The following ANKS1A variants were observed in gnomAD, a reference collection of about 807,000 sequenced individuals.
ANKS1A encodes the protein ankyrin repeat and SAM domain-containing protein 1A.
Under a neutral mutation model 120.3 loss-of-function variants are expected in ANKS1A, and 55 were observed. The observed-to-expected ratio is 0.46, with a 90% CI of 0.37 to 0.57. The LOEUF (loss-of-function observed/expected upper bound fraction) is 0.57, where lower values mean the gene tolerates loss of function less well. ANKS1A is among the 20% of genes least tolerant of loss of function. ANKS1A has a pLI of 0.00. For synonymous variants in ANKS1A, 590 were observed against 604.7 expected (o/e 0.98, Z 0.36); for missense variants, 1,123 against 1,480.3 (o/e 0.76, Z 3.96).
intron 9 of ANKS1A, among the ~76,000 whole-genome samples, chr6:34,990,967 T>C (rs1561895804): frequency 6.6e-6 from 1 of 152,232 alleles, no homozygotes; most frequent in Non-Finnish European, 1.5e-5. Flanking sequence ...GTTTGTAGTC[T>C]GAATGGTCTT....
At chr6:35,003,620 A>T (rs1393943925) in intron 10 of ANKS1A, among the ~76,000 whole-genome samples, 1 of 152,228 alleles carries the variant, frequency 6.6e-6, no homozygotes, top group Non-Finnish European at 1.5e-5. Context: ...TAATAGTAAT[A>T]GGAACCTGCT....
chr6:34,966,438 A>G (rs569813777), intron 1 of ANKS1A, among the ~76,000 whole-genome samples: 1 of 152,362 alleles, frequency 6.6e-6, no homozygotes, highest in Non-Finnish European at 1.5e-5. Context: ...ATCTACCTCA[A>G]ACCATTAGAG....
At chr6:35,040,703 C>G (rs1427153767) in intron 11 of ANKS1A, among the ~76,000 whole-genome samples, 5 of 152,262 alleles carry the variant, frequency 3.3e-5, no homozygotes, top group Non-Finnish European at 7.3e-5. Flanking sequence ...ACTCAAGCAT[C>G]TGATTCTACA....
At chr6:35,001,363 A>G (rs1173663160) in intron 10 of ANKS1A, among the ~76,000 whole-genome samples, 1 of 152,266 alleles carries the variant, frequency 6.6e-6, no homozygotes, top group Non-Finnish European at 1.5e-5. Flanking sequence ...TTCCATCTGC[A>G]CATTAAACAA....
chr6:34,926,936 G>A (rs1768746986), intron 1 of ANKS1A, among the ~76,000 whole-genome samples: 2 of 152,270 alleles, frequency 1.3e-5, no homozygotes, highest in African/African-American at 4.8e-5. Flanking sequence ...TTATTTAGTG[G>A]TTAGGTGTGT....
intron 1 of ANKS1A, among the ~76,000 whole-genome samples, chr6:34,917,520 T>G (rs1768226593): frequency 6.6e-6 from 1 of 152,186 alleles, no homozygotes; most frequent in South Asian, 2.1e-4. Context: ...TAAAACCAGT[T>G]TTTGTAAGAT....
At chr6:34,986,271 T>C (rs1418542984) in intron 8 of ANKS1A, among the ~76,000 whole-genome samples, 1 of 152,232 alleles carries the variant, frequency 6.6e-6, no homozygotes, top group Non-Finnish European at 1.5e-5. Context: ...AGACAGTCTG[T>C]ACCTGCTTTT....
chr6:35,073,335 G>A (rs1056216956), intron 13 of ANKS1A, among the ~76,000 whole-genome samples: 1 of 152,212 alleles, frequency 6.6e-6, no homozygotes, highest in Admixed American at 6.5e-5. Flanking sequence ...CATGATCACA[G>A]GCTGAGGAGC....
rs1420259474 is a variant in ANKS1A at position 34,985,237 on chromosome 6, G to A, written c.1168G>A (p.Glu390Lys). Residue 390 changes from glutamate (E) to lysine (K), a missense_variant, in exon 8 of 24, where the codon GAG (glutamate) becomes AAG (lysine). Glu to Lys is a moderately conservative substitution (Grantham distance 56, BLOSUM62 1). Coordinates refer to ENST00000360359, the MANE Select transcript of ANKS1A (RefSeq NM_015245.3). ...RSSDQDSTNK[E>K]AEAAGVKPAG... ...ATCTGACCAAGACTCCACGAACAAG[G>A]AGGCTGAGGCAGCAGGAGTGAAACC... 3 of 1,614,050 alleles carry A rather than the reference G, an allele frequency of 1.9e-6. No individual in the cohort carries two copies. The highest frequency in any genetic ancestry group is 2.7e-5 in the African/African-American group (2 of 74,938).
intron 1 of ANKS1A, among the ~76,000 whole-genome samples, chr6:34,934,972 C>T (rs1234025508): frequency 6.6e-6 from 1 of 152,180 alleles, no homozygotes; most frequent in African/African-American, 2.4e-5. Flanking sequence ...AGAACAGTGG[C>T]CATGTGAAGC....
intron 1 of ANKS1A, among the ~76,000 whole-genome samples, chr6:34,962,113 C>T (rs1226157336): frequency 6.6e-6 from 1 of 152,170 alleles, no homozygotes; most frequent in Non-Finnish European, 1.5e-5. Flanking sequence ...TCACCCTGAT[C>T]CATTGTCAGG....
intron 1 of ANKS1A, among the ~76,000 whole-genome samples, chr6:34,904,969 C>T (rs1767569458): frequency 6.6e-6 from 1 of 152,158 alleles, no homozygotes; most frequent in South Asian, 2.1e-4. Flanking sequence ...TGCCACCACG[C>T]TCAGCTAATT....
At chr6:34,897,216 G>T (rs922126256) in intron 1 of ANKS1A, among the ~76,000 whole-genome samples, 1 of 152,058 alleles carries the variant, frequency 6.6e-6, no homozygotes, top group Non-Finnish European at 1.5e-5. Flanking sequence ...AGGAAACAAT[G>T]AAACAAGCTT....
rs896988885 is a variant in ANKS1A at position 34,995,851 on chromosome 6, A to G, written c.1423+1429A>G. On this transcript the variant is annotated intron_variant, in intron 10 of 23. Transcript: ENST00000360359. ...TACAGTTTTTGGCAATTACAAATAA[A>G]TCACTAAAAACATTCACTTACAGAT... Among the ~76,000 whole-genome samples, 4 of 152,370 alleles carry G rather than the reference A, an allele frequency of 2.6e-5. No individual in the cohort carries two copies. The East Asian group carries it at 5.8e-4, about 22-fold the overall frequency.
chr6:35,018,023 A>G lies in ANKS1A; in HGVS notation c.1974A>G (p.Leu658=), dbSNP rs2820236. The change falls in exon 11 of 24, where the codon CTA becomes CTG. Residue 658 remains leucine, a synonymous_variant. Transcript: ENST00000360359. The part of the protein sequence containing the change: ...LSNCSIGKKR[L]EKSPSFASEW... ...ACTGCAGCATTGGGAAGAAAAGGCT[A>G]GAGAAGTCACCCTCCTTCGCCTCGG... 41,070 of 1,614,070 alleles carry G rather than the reference A, an allele frequency of 0.025. 583 individuals carry two copies. Among genetic ancestry groups the G allele is most frequent in the Middle Eastern group, 0.037 (223 of 6,062 alleles).
chr6:34,919,737 G>A (rs1768341140), intron 1 of ANKS1A, among the ~76,000 whole-genome samples: 1 of 151,806 alleles, frequency 6.6e-6, no homozygotes, highest in African/African-American at 2.4e-5. Flanking sequence ...CTGTCTAACT[G>A]TGTTGTTCTG....
intron 13 of ANKS1A, among the ~76,000 whole-genome samples, chr6:35,064,557 C>T (rs1189013402): frequency 6.6e-6 from 1 of 152,194 alleles, no homozygotes; most frequent in Non-Finnish European, 1.5e-5. Context: ...AACTTTCCAA[C>T]CAGGTCCCCA....
chr6:34,979,558 C>T (rs565003392), intron 3 of ANKS1A, among the ~76,000 whole-genome samples: 25 of 151,390 alleles, frequency 1.7e-4, no homozygotes, highest in African/African-American at 5.3e-4. Context: ...TTCATTCTGG[C>T]GAAGAAGAAA....
At chr6:34,960,067 G>A (rs62402677) in intron 1 of ANKS1A, among the ~76,000 whole-genome samples, 353 of 152,138 alleles carry the variant, frequency 2.3e-3, no homozygotes, top group Non-Finnish European at 4.1e-3. Context: ...CTCTGTGGGC[G>A]GAGCTCCCTG....
Sources: gnomAD v4.1 joint callset for allele counts (sites outside exome capture counted in the v4.1 genomes callset) on GRCh38, gnomAD v4.1.1 for gene constraint, MANE v1.5 for transcripts, NCBI Gene and HGNC (gene_info 2026-07-23, HGNC 2026-07-21) for gene names.